The following ESRRG variants were observed in gnomAD, a reference collection of about 807,000 sequenced individuals.
ESRRG encodes the protein estrogen-related receptor gamma.
Under a neutral mutation model 44.0 loss-of-function variants are expected in ESRRG, and 13 were observed. The ratio of observed to expected loss-of-function variants is 0.30; its 90% CI spans 0.19 to 0.47. The LOEUF (loss-of-function observed/expected upper bound fraction) is 0.47. Ranked by LOEUF, ESRRG falls within the 20% of genes least tolerant of loss-of-function variation. The pLI is 1.00. For synonymous variants in ESRRG, 215 were observed against 214.6 expected (o/e 1.00, Z -0.02); for missense variants, 395 against 580.6 (o/e 0.68, Z 3.29).
chr1:216,993,132 GATGA>G (rs751425297), intron 1 of ESRRG, among the ~76,000 whole-genome samples: 9 of 152,150 alleles, frequency 5.9e-5, no homozygotes, highest in Non-Finnish European at 1.3e-4. Flanking sequence ...ACAAGTAGTT[GATGA>G]ATGAATGAAT....
chr1:216,836,298 T>C (rs905503364), intron 2 of ESRRG, among the ~76,000 whole-genome samples: 4 of 152,174 alleles, frequency 2.6e-5, no homozygotes, highest in Admixed American at 2.6e-4. Context: ...TTTCTGTTAT[T>C]ATACCCACAA....
intron 2 of ESRRG, among the ~76,000 whole-genome samples, chr1:216,754,363 CTA>C (rs1308203342): frequency 6.6e-6 from 1 of 152,024 alleles, no homozygotes; most frequent in East Asian, 1.9e-4. Flanking sequence ...AACTTTCACT[CTA>C]GAGTCCCGTA....
chr1:216,986,837 A>G (rs940637831), intron 1 of ESRRG, among the ~76,000 whole-genome samples: 1 of 152,230 alleles, frequency 6.6e-6, no homozygotes, highest in Non-Finnish European at 1.5e-5. Flanking sequence ...AAGCTTGAAT[A>G]GAGTTTTTCC....
At chr1:217,082,981 A>G (rs761292539) in intron 1 of ESRRG, among the ~76,000 whole-genome samples, 3 of 152,198 alleles carry the variant, frequency 2.0e-5, no homozygotes, top group Non-Finnish European at 2.9e-5. Flanking sequence ...ACTTCCTGTT[A>G]TATGTGCTTT....
intron 1 of ESRRG, among the ~76,000 whole-genome samples, chr1:217,024,040 A>G (rs2080784107): frequency 6.6e-6 from 1 of 152,228 alleles, no homozygotes; most frequent in Non-Finnish European, 1.5e-5. Context: ...GCAGGGACAT[A>G]AATGTAGGGG....
rs191484997 is a variant in ESRRG at position 216,775,008 on chromosome 1, T to C, written c.-13-97517A>G. On this transcript the variant is annotated intron_variant, in intron 2 of 7. Transcript: ENST00000359162. ...ATTTTTAGTAGAAACAAGGTCTCAC[T>C]ATATTGCTCAGGCTGGTCTAAAACT... Among the ~76,000 whole-genome samples, 25 of 151,738 alleles carry C rather than the reference T, an allele frequency of 1.6e-4. 2 individuals carry two copies. The East Asian group carries it at 3.9e-3, about 24-fold the overall frequency.
At chr1:216,904,320 G>C (rs1362985484) in intron 2 of ESRRG, among the ~76,000 whole-genome samples, 1 of 152,010 alleles carries the variant, frequency 6.6e-6, no homozygotes, top group Non-Finnish European at 1.5e-5. Flanking sequence ...ATAACTCAGA[G>C]GGTTCTACCT....
At chr1:216,865,433 T>A (rs1344277963) in intron 2 of ESRRG, among the ~76,000 whole-genome samples, 2 of 151,772 alleles carry the variant, frequency 1.3e-5, no homozygotes, top group Non-Finnish European at 2.9e-5. Flanking sequence ...TTTTTTTTTT[T>A]AAGTCTTACC....
chr1:216,767,825 C>T (rs1361904757), intron 2 of ESRRG, among the ~76,000 whole-genome samples: 2 of 152,024 alleles, frequency 1.3e-5, no homozygotes, highest in Non-Finnish European at 2.9e-5. Context: ...AAAAGTGTGG[C>T]CTATTAAGAA....
intron 2 of ESRRG, among the ~76,000 whole-genome samples, chr1:216,895,259 A>G (rs905868716): frequency 1.3e-5 from 2 of 152,188 alleles, no homozygotes; most frequent in Admixed American, 6.5e-5. Flanking sequence ...GAGGAAAATT[A>G]CTTAGAAAAT....
chr1:216,962,437 C>T (rs1450962580), intron 1 of ESRRG, among the ~76,000 whole-genome samples: 1 of 152,140 alleles, frequency 6.6e-6, no homozygotes, highest in Non-Finnish European at 1.5e-5. Context: ...AAAACGTGTT[C>T]CCACTTGAAA....
chr1:217,132,281 C>T lies in ESRRG; in HGVS notation c.-230+5386G>A, dbSNP rs537356554. 2.0e-5 allele frequency among the ~76,000 whole-genome samples: 3 copies of T among 152,270 alleles called. No homozygotes were observed. In the South Asian group the frequency reaches 6.2e-4, roughly 32 times the overall value. On this transcript the variant is annotated intron_variant, in intron 1 of 8. Coordinates refer to the ESRRG transcript ENST00000366940. ...AAGTGCTGGGATTACAGGTGTGTGA[C>T]ACCTTGAGCTAGGCCAATTAATTCC...
chr1:216,690,342 C>A (rs568514531), intron 1 of ESRRG, among the ~76,000 whole-genome samples: 1 of 151,914 alleles, frequency 6.6e-6, no homozygotes, highest in Non-Finnish European at 1.5e-5. Flanking sequence ...GTGATAAATG[C>A]AATGACATGG....
In ESRRG at chr1:216,555,257, A is replaced by G. The variant is rs534155532; in HGVS notation, c.862+8962T>C. The stretch of plus-strand genomic sequence containing the variant: ...TCTCTACTGAGGTTTGTGATCCAAA[A>G]TTATTTCAAATTCTCCTTCTAGTGG... On this transcript the variant is annotated intron_variant, in intron 5 of 6. Transcript: ENST00000408911. 3.9e-5 allele frequency among the ~76,000 whole-genome samples: 6 copies of G among 152,322 alleles called. No homozygotes were observed. In the East Asian group the frequency reaches 1.2e-3, roughly 29 times the overall value.
chr1:216,846,719 T>C (rs1337130455), intron 2 of ESRRG, among the ~76,000 whole-genome samples: 1 of 152,120 alleles, frequency 6.6e-6, no homozygotes, highest in East Asian at 1.9e-4. Context: ...ATGCTTGATT[T>C]TTCACAATAA....
chr1:217,042,509 C>T (rs2084064740), intron 1 of ESRRG, among the ~76,000 whole-genome samples: 1 of 133,474 alleles, frequency 7.5e-6, no homozygotes, highest in Non-Finnish European at 1.7e-5. Context: ...CACACACACA[C>T]ACACACTGCA....
chr1:216,839,445 T>G (rs1179930790), intron 2 of ESRRG, among the ~76,000 whole-genome samples: 1 of 152,204 alleles, frequency 6.6e-6, no homozygotes, highest in African/African-American at 2.4e-5. Context: ...GACCACCTTT[T>G]ATGAATCACA....
chr1:216,651,046 G>C lies in ESRRG; in HGVS notation c.516C>G (p.Ile172Met). The C allele has an allele frequency of 1.2e-6, 2 of 1,613,448 alleles. No homozygotes were observed. The highest frequency in any genetic ancestry group is 1.7e-6 in the Non-Finnish European group (2 of 1,179,480). ...YSCPATNECE[I>M]TKRRRKSCQA... is the part of the protein sequence containing the mutation. ...GGCAGGATTTACGTCTGCGCTTTGTGATTTCACATTCATTCGTGGCAGGGC... is the reference window on the plus strand; with the variant it reads ...GGCAGGATTTACGTCTGCGCTTTGTCATTTCACATTCATTCGTGGCAGGGC... Residue 172 changes from isoleucine to methionine, a missense_variant, in exon 3 of 7, where the codon ATC becomes ATG. Ile to Met is a conservative substitution (Grantham distance 10). Around this residue, in one of 5 missense-constraint regions of ESRRG, gnomAD observed 35 missense variants for 120.1 expected, o/e 0.29. Coordinates refer to ENST00000408911, the MANE Select transcript of ESRRG (RefSeq NM_001438.4).
chr1:217,101,837 A>C (rs1470905478), intron 1 of ESRRG, among the ~76,000 whole-genome samples: 3 of 151,406 alleles, frequency 2.0e-5, no homozygotes, highest in African/African-American at 7.3e-5. Context: ...ACAGAGTTTC[A>C]CTCTTGTTGC....
Sources: gnomAD v4.1 joint callset for allele counts (sites outside exome capture counted in the v4.1 genomes callset) on GRCh38, gnomAD v4.1.1 for gene constraint, gnomAD v4.1.1 regional missense constraint, MANE v1.5 for transcripts, NCBI Gene and HGNC (gene_info 2026-07-23, HGNC 2026-07-21) for gene names.